The following FREM2 variants were observed in gnomAD, a reference collection of about 807,000 sequenced individuals.
FREM2 encodes the protein FRAS1-related extracellular matrix protein 2.
In FREM2, 119 loss-of-function variants were observed where a neutral mutation model predicts 219.9. The observed-to-expected ratio is 0.54, with a 90% CI of 0.47 to 0.63. FREM2 has a LOEUF of 0.63. FREM2 is among the 30% of genes least tolerant of loss of function. The pLI is 0.00. For synonymous variants in FREM2, 1,562 were observed against 1,522.8 expected, an observed-to-expected ratio of 1.03 and a Z score of -0.60; for missense variants, 4,030 against 3,993.6, an observed-to-expected ratio of 1.01 and a Z score of -0.25.
At chr13:38,859,209 C>A in intron 13 of FREM2, 78 bp from the exon 14 acceptor site, 1 of 1,435,766 alleles carries the variant, frequency 7.0e-7, no homozygotes, top group Non-Finnish European at 9.8e-7. Context: ...AGTGAAAACT[C>A]GATGGCAGAG....
chr13:38,861,298 C>T, intron 14 of FREM2, 133 bp from the exon 15 acceptor site: 1 of 860,156 alleles, frequency 1.2e-6, no homozygotes, highest in Non-Finnish European at 1.9e-6. Context: ...GTGATGTACA[C>T]TCTTAGCCAT....
Position 38,850,090 on chromosome 13 carries a change from G to A in FREM2, c.6432G>A (p.Gly2144=). The A allele has an allele frequency of 6.2e-7, 1 of 1,614,008 alleles. No individual in the cohort carries two copies. The highest frequency in any genetic ancestry group is 8.5e-7 in the Non-Finnish European group (1 of 1,179,894). The stretch of plus-strand genomic sequence containing the variant: ...TATATACTGGCAGCGAAAGTGATGG[G>A]CAGATAGTTACAATGATCCATAGGA... ...ERIYTGSESD[G]QIVTMIHRTG... Residue 2144 remains glycine, a synonymous_variant, in exon 9 of 24, where the codon GGG becomes GGA. Coordinates refer to ENST00000280481, the MANE Select transcript of FREM2 (RefSeq NM_207361.6).
intron 15 of FREM2, 116 bp from the exon 16 acceptor site, chr13:38,864,159 C>A (rs1877863882): frequency 1.3e-6 from 1 of 797,760 alleles, no homozygotes; most frequent in Non-Finnish European, 2.1e-6. Flanking sequence ...ATGCCATACA[C>A]CACTGCTGTA....
rs11840341 is a variant in FREM2 at position 38,825,276 on chromosome 13, A to C, written c.6020-21297A>C. Among the ~76,000 whole-genome samples, 1,145 of 152,170 alleles carry C rather than the reference A, an allele frequency of 7.5e-3. 9 individuals carry two copies. Among genetic ancestry groups the C allele is most frequent in the African/African-American group, 0.026 (1,078 of 41,554 alleles). Reference sequence around the variant, plus strand: ...TCCCCAGTATGGAGCACAGTGCCTGATCCATAATAGGTGTTCAAAAAACAG... The same window carrying C: ...TCCCCAGTATGGAGCACAGTGCCTGCTCCATAATAGGTGTTCAAAAAACAG... On this transcript the variant is annotated intron_variant, in intron 6 of 23. Coordinates refer to ENST00000280481, the MANE Select transcript of FREM2 (RefSeq NM_207361.6).
chr13:38,817,870 A>G (rs974470054), intron 6 of FREM2, among the ~76,000 whole-genome samples: 1 of 152,126 alleles, frequency 6.6e-6, no homozygotes, highest in African/African-American at 2.4e-5. Flanking sequence ...CAATAACAAT[A>G]TTAATCAAAA....
chr13:38,733,747 A>G (rs9548443), intron 2 of FREM2, among the ~76,000 whole-genome samples: 78,805 of 151,992 alleles, frequency 0.52, 24,690 homozygotes, highest in Non-Finnish European at 0.69. Context: ...GCCTCAAACA[A>G]TCCTCTTGCC....
In FREM2 at chr13:38,847,934, G is replaced by A. The variant is rs567876452; in HGVS notation, c.6170-527G>A. On this transcript the variant is annotated intron_variant, in intron 7 of 23. Coordinates refer to ENST00000280481, the MANE Select transcript of FREM2 (RefSeq NM_207361.6). Reference sequence around the variant, plus strand: ...AAAGTAGAAGCTTCTCTCATTGCCTGGGACAAAGGTGGATGGAGTGTGGGC... The same window carrying A: ...AAAGTAGAAGCTTCTCTCATTGCCTAGGACAAAGGTGGATGGAGTGTGGGC... Among the ~76,000 whole-genome samples, 64 of 152,262 alleles carry A rather than the reference G, an allele frequency of 4.2e-4. 1 individual carries two copies. Among genetic ancestry groups the A allele is most frequent in the African/African-American group, 1.3e-3 (53 of 41,566 alleles).
At chr13:38,871,086 C>T (rs149082888) in intron 16 of FREM2, among the ~76,000 whole-genome samples, 4 of 152,284 alleles carry the variant, frequency 2.6e-5, no homozygotes, top group East Asian at 1.9e-4. Context: ...AAACTACTGT[C>T]TCAAAGGACT....
intron 16 of FREM2, among the ~76,000 whole-genome samples, chr13:38,872,390 A>G (rs546189298): frequency 6.6e-6 from 1 of 152,260 alleles, no homozygotes; most frequent in South Asian, 2.1e-4. Context: ...CCTTAAATAT[A>G]CTAAGAACCA....
At position 38,696,964 on chromosome 13, in the gene FREM2, C is replaced by T. The variant is rs1566107986; in HGVS notation, c.5174-734C>T. Among the ~76,000 whole-genome samples the T allele has an allele frequency of 3.9e-5, 6 of 151,948 alleles. No individual in the cohort carries two copies. The South Asian group carries it at 1.2e-3, about 32-fold the overall frequency. The stretch of plus-strand genomic sequence containing the variant: ...CTGGGATTACAGGAACGCACCACCA[C>T]ACCCAGCCAATTTTTAATAGAGACA... On this transcript the variant is annotated intron_variant, in intron 1 of 23. Coordinates refer to ENST00000280481, the MANE Select transcript of FREM2 (RefSeq NM_207361.6).
intron 4 of FREM2, among the ~76,000 whole-genome samples, chr13:38,777,021 A>G (rs1873899703): frequency 1.3e-5 from 2 of 151,774 alleles, no homozygotes; most frequent in African/African-American, 2.4e-5. Flanking sequence ...GTGTACTTTT[A>G]TATTATGATA....
chr13:38,705,590 C>G (rs1870506773), intron 2 of FREM2, among the ~76,000 whole-genome samples: 1 of 152,176 alleles, frequency 6.6e-6, no homozygotes, highest in African/African-American at 2.4e-5. Flanking sequence ...GTGACCGAGA[C>G]TTCCTCAGCC....
In FREM2 at chr13:38,884,908, A is replaced by G. The variant is rs1878676355; in HGVS notation, c.*4121A>G. On this transcript the variant is annotated 3_prime_UTR_variant, in exon 24 of 24. Transcript: ENST00000280481. ...GGTCAACAGAAAGCTCATTTGTGAA[A>G]ACATACTCTCATGGGAGCTTCTTTA... The G allele has an allele frequency of 6.6e-6, 1 of 152,216 alleles. No homozygotes were observed. The highest frequency in any genetic ancestry group is 2.1e-4 in the South Asian group (1 of 4,832). The allele number at this position is 152,216 out of a possible 1,614,324, so 9.4% of individuals were successfully genotyped here.
rs142939064 is a variant in FREM2, at chr13:38,857,970, C to T, written c.7152C>T (p.Asp2384=). The change falls in exon 13 of 24, where the codon GAC becomes GAT. Residue 2384 remains aspartate, a synonymous_variant. Transcript: ENST00000280481. ...VPQIVSLLMY[D]DTSKAKESAE... ...AAATTGTATCCCTGTTGATGTATGA[C>T]GACACTTCCAAAGCTAAGGAGAGTG... 195 of 1,613,780 alleles carry T rather than the reference C, an allele frequency of 1.2e-4. 1 individual carries two copies. The African/African-American group carries it at 1.4e-3, about 12-fold the overall frequency.
rs150769943 is a variant in FREM2, at chr13:38,695,458, T to C, written c.5174-2240T>C. On this transcript the variant is annotated intron_variant, in intron 1 of 23. Coordinates refer to ENST00000280481, the MANE Select transcript of FREM2 (RefSeq NM_207361.6). ...AAAAAGAAAAGTTCTTAAAATTCTG[T>C]TTTGAAGTGAGGATTTATTTCAATG... Among the ~76,000 whole-genome samples, 1,367 of 152,292 alleles carry C rather than the reference T, an allele frequency of 9.0e-3. 18 individuals are homozygous for C. Among genetic ancestry groups the C allele is most frequent in the African/African-American group, 0.031 (1,287 of 41,552 alleles).
At chr13:38,707,027 GA>G (rs1040301855) in intron 2 of FREM2, among the ~76,000 whole-genome samples, 5 of 152,040 alleles carry the variant, frequency 3.3e-5, no homozygotes, top group South Asian at 2.1e-4. Context: ...GTATAAATGA[GA>G]AAAAAATGTT....
intron 2 of FREM2, among the ~76,000 whole-genome samples, chr13:38,739,991 A>G (rs982704999): frequency 6.6e-6 from 1 of 152,192 alleles, no homozygotes; most frequent in African/African-American, 2.4e-5. Context: ...ATTATCCTTC[A>G]GTTTAGAGTG....
chr13:38,834,927 T>G (rs1227810530), intron 6 of FREM2, among the ~76,000 whole-genome samples: 1 of 152,232 alleles, frequency 6.6e-6, no homozygotes, highest in East Asian at 1.9e-4. Context: ...TAGTTTCTTT[T>G]GCTGTGCAGA....
intron 6 of FREM2, among the ~76,000 whole-genome samples, chr13:38,796,376 A>G (rs1366728631): frequency 6.6e-6 from 1 of 152,136 alleles, no homozygotes; most frequent in East Asian, 1.9e-4. Context: ...ATCCTAACTC[A>G]GATGGTAGGG....
Sources: gnomAD v4.1 joint callset for allele counts (sites outside exome capture counted in the v4.1 genomes callset) on GRCh38, gnomAD v4.1.1 for gene constraint, MANE v1.5 for transcripts, NCBI Gene and HGNC (gene_info 2026-07-23, HGNC 2026-07-21) for gene names.